Variants in EML1 observed in about 807,000 individuals in gnomAD.
The protein encoded by EML1 is EMAP like 1.
EML1 carries 27 observed loss-of-function variants against 110.4 expected under a neutral mutation model. The observed-to-expected ratio is 0.24, with a 90% confidence interval of 0.18 to 0.34. The LOEUF (loss-of-function observed/expected upper bound fraction) is 0.34. Among genes scored for constraint, EML1 ranks in the 10% least tolerant of loss-of-function variants. The pLI is 1.00. For missense variants in EML1, 741 were observed against 1,030.9 expected, an observed-to-expected ratio of 0.72 and a Z score of 3.85; for synonymous variants, 344 against 385.8, an observed-to-expected ratio of 0.89 and a Z score of 1.27.
chr14:99,750,115 C>A (rs1380587934), intron 1 of EML1, among the ~76,000 whole-genome samples: 2 of 152,176 alleles, frequency 1.3e-5, no homozygotes, highest in East Asian at 3.9e-4. Context: ...TGGAGCCAGG[C>A]GGGAGGTAAG....
In EML1 at chr14:99,936,387, C is replaced by T. The variant is rs1343771157; in HGVS notation, c.2095+53C>T. The T allele has an allele frequency of 1.8e-5, 28 of 1,553,842 alleles. No individual in the cohort carries two copies. In the East Asian group the frequency reaches 6.3e-4, roughly 35 times the overall value. ...GTCTCGATCTCAGAAAGCGTTCACT[C>T]TGAGATCCAGGGGGCCTCTGTGAGA... On this transcript the variant is annotated intron_variant, in intron 19 of 21. Transcript: ENST00000262233. This position sits in a 1 kb window ranked among gnomAD's most constrained non-coding sequence, Gnocchi z 5.5.
intron 1 of EML1, among the ~76,000 whole-genome samples, chr14:99,825,631 T>C (rs1289928488): frequency 2.6e-5 from 4 of 152,200 alleles, no homozygotes; most frequent in African/African-American, 7.2e-5. Context: ...GTGTTTTTCC[T>C]GTCAGCCTCT....
chr14:99,881,679 C>A (rs1176066793), intron 4 of EML1, among the ~76,000 whole-genome samples: 7 of 151,292 alleles, frequency 4.6e-5, no homozygotes, highest in Non-Finnish European at 1.0e-4. Context: ...CGGGTCACTG[C>A]AGCCTCTGCC....
At chr14:99,899,230 A>C (rs1176604655) in intron 8 of EML1, among the ~76,000 whole-genome samples, 1 of 152,158 alleles carries the variant, frequency 6.6e-6, no homozygotes, top group African/African-American at 2.4e-5. Context: ...ACATGTTTTC[A>C]TCCAGAAAAA....
At position 99,939,130 on chromosome 14, in the gene EML1, C is replaced by CT; in HGVS notation, c.2192-65dup. The CT allele has an allele frequency of 1.9e-6, 3 of 1,587,634 alleles. No homozygotes were observed. Among genetic ancestry groups the CT allele is most frequent in the Non-Finnish European group, 2.6e-6 (3 of 1,168,024 alleles). The stretch of plus-strand genomic sequence containing the variant: ...CATGTTCAGGACCGTTCAGTGGGCG[C>CT]TTCCTGCGCCATGTGGCCCTGTGGC... On this transcript the variant is annotated intron_variant, in intron 20 of 21. Transcript: ENST00000262233. This position sits in a 1 kb window ranked among gnomAD's most constrained non-coding sequence, Gnocchi z 4.2.
chr14:99,760,499 G>A (rs1266885799), intron 1 of EML1, among the ~76,000 whole-genome samples: 2 of 152,160 alleles, frequency 1.3e-5, no homozygotes, highest in Non-Finnish European at 2.9e-5. Context: ...TTACTGTGCA[G>A]GGTGTTTAGA....
chr14:99,798,804 G>A (rs1595296975), intron 1 of EML1, among the ~76,000 whole-genome samples: 1 of 152,032 alleles, frequency 6.6e-6, no homozygotes, highest in Non-Finnish European at 1.5e-5. Flanking sequence ...CATGTACTAT[G>A]GCTAAATCTT....
At chr14:99,927,339 C>A (rs770224506) in intron 17 of EML1, among the ~76,000 whole-genome samples, 1 of 152,140 alleles carries the variant, frequency 6.6e-6, no homozygotes, top group Non-Finnish European at 1.5e-5. Flanking sequence ...CTGGATTTTG[C>A]TGAATGCATC....
chr14:99,917,695 TTGTG>T lies in EML1; in HGVS notation c.1753-82_1753-79del, dbSNP rs75719251. 0.29 allele frequency: 378,181 copies of T among 1,304,060 alleles called. 58,445 individuals are homozygous for T. The highest frequency in any genetic ancestry group is 0.33 in the Non-Finnish European group (295,991 of 910,732). The allele number at this position is 1,304,060 out of a possible 1,614,324, so 80.8% of individuals were successfully genotyped here. A position where few individuals can be genotyped will look rare whatever the true frequency, so the allele number is the denominator to read the frequency against. On this transcript the variant is annotated intron_variant, in intron 15 of 21. Coordinates refer to ENST00000262233, the MANE Select transcript of EML1 (RefSeq NM_004434.3). The stretch of plus-strand genomic sequence containing the variant: ...CCTAAGGAATTAGAAGTGTGAGCGT[TTGTG>T]TGTGCACGCACTCACGTGTGTGTGT...
intron 4 of EML1, among the ~76,000 whole-genome samples, chr14:99,882,775 G>A (rs1238961060): frequency 6.6e-6 from 1 of 151,782 alleles, no homozygotes; most frequent in Non-Finnish European, 1.5e-5. Flanking sequence ...TGGGCTGTGG[G>A]TTGGACAAGT....
At chr14:99,885,814 T>C in intron 4 of EML1, 1 of 436,636 alleles carries the variant, frequency 2.3e-6, no homozygotes, top group South Asian at 1.6e-5. Context: ...CATTGTAACA[T>C]ATCTTATTTA....
At chr14:99,877,704 G>C (rs2059316175) in intron 3 of EML1, among the ~76,000 whole-genome samples, 1 of 152,162 alleles carries the variant, frequency 6.6e-6, no homozygotes, top group Non-Finnish European at 1.5e-5. Flanking sequence ...GTTAGCATTT[G>C]TCCCACGCCT....
chr14:99,833,878 ACTT>A (rs1462942364), intron 1 of EML1, among the ~76,000 whole-genome samples: 1 of 152,152 alleles, frequency 6.6e-6, no homozygotes, highest in Non-Finnish European at 1.5e-5. Context: ...AGTTCCAGTA[ACTT>A]CTTTGTGTAT....
intron 16 of EML1, 124 bp downstream of exon 16, chr14:99,917,973 T>A: frequency 1.1e-6 from 1 of 913,444 alleles, no homozygotes; most frequent in Non-Finnish European, 1.7e-6. Flanking sequence ...TCTAATGACT[T>A]ACCAAGAATT....
chr14:99,852,813 T>C (rs2058834544), intron 2 of EML1, among the ~76,000 whole-genome samples: 1 of 152,188 alleles, frequency 6.6e-6, no homozygotes, highest in African/African-American at 2.4e-5. Context: ...TATCACCAGC[T>C]TCGTGTGAGA....
chr14:99,889,190 A>T (rs1303979490), intron 4 of EML1, among the ~76,000 whole-genome samples: 1 of 152,136 alleles, frequency 6.6e-6, no homozygotes, highest in African/African-American at 2.4e-5. Flanking sequence ...GGGGACCTGG[A>T]GGATGGAGAG....
intron 17 of EML1, among the ~76,000 whole-genome samples, chr14:99,932,919 C>T (rs907443417): frequency 6.6e-6 from 1 of 152,046 alleles, no homozygotes; most frequent in African/African-American, 2.4e-5. Context: ...AGTTCGAGAC[C>T]AGCTTGGGCA....
At position 99,850,852 on chromosome 14, in the gene EML1, G is replaced by C; in HGVS notation, c.68-1G>C. 1 of 1,612,672 alleles carries C rather than the reference G, an allele frequency of 6.2e-7. No homozygotes were observed. The highest frequency in any genetic ancestry group is 8.5e-7 in the Non-Finnish European group (1 of 1,178,872). Reference sequence around the variant, plus strand: ...CTCACTTGATCCTTTCTTTGGTTTAGATGACAGCGCTTCTGCTGCAAGTAG... The same window carrying C: ...CTCACTTGATCCTTTCTTTGGTTTACATGACAGCGCTTCTGCTGCAAGTAG... On this transcript the variant is annotated splice_acceptor_variant, in intron 1 of 21. Transcript: ENST00000262233. LOFTEE classifies it high-confidence loss of function.
At chr14:99,811,335 T>TG (rs1385783966) in intron 1 of EML1, among the ~76,000 whole-genome samples, 3 of 147,880 alleles carry the variant, frequency 2.0e-5, no homozygotes, top group African/African-American at 7.3e-5. Flanking sequence ...TTCGAGCCAC[T>TG]GTGCCTTGTG....
Sources: gnomAD v4.1 joint callset for allele counts (sites outside exome capture counted in the v4.1 genomes callset) on GRCh38, gnomAD v4.1.1 for gene constraint, Gnocchi (gnomAD v3.1) non-coding constraint, MANE v1.5 for transcripts, NCBI Gene and HGNC (gene_info 2026-07-23, HGNC 2026-07-21) for gene names.